The following RFTN1 variants were observed in gnomAD, a reference collection of about 807,000 sequenced individuals.
RFTN1 encodes the protein raftlin, lipid raft linker 1.
In RFTN1, 26 loss-of-function variants were observed where a neutral mutation model predicts 46.5. That is an observed-to-expected ratio of 0.56 (90% confidence interval 0.41 to 0.78). The LOEUF is 0.78. Ranked by LOEUF, RFTN1 falls within the 30% of genes least tolerant of loss-of-function variation. The pLI, the probability that RFTN1 is intolerant of heterozygous loss-of-function variation, is 0.00. For missense variants in RFTN1, 693 were observed against 718.7 expected (o/e 0.96, Z 0.41); for synonymous variants, 261 against 284.2 (o/e 0.92, Z 0.82).
In RFTN1 at chr3:16,328,293, A is replaced by C. The variant is rs1261672530; in HGVS notation, c.1147-1417T>G. Among the ~76,000 whole-genome samples the C allele has an allele frequency of 5.9e-5, 9 of 152,236 alleles. 1 individual carries two copies. The highest frequency in any genetic ancestry group is 5.9e-4 in the Admixed American group (9 of 15,280). ...GAGTGCCAAGGTCTGTGGTCGGCTT[A>C]ACTCAGAGGCAGCGCGCGTGACCAT... is the stretch of plus-strand genomic sequence containing the variant. On this transcript the variant is annotated intron_variant, in intron 7 of 9. Transcript: ENST00000334133.
chr3:16,378,186 G>A (rs1177263892), intron 4 of RFTN1, 84 bp from the exon 5 acceptor site: 57 of 1,152,748 alleles, frequency 4.9e-5, no homozygotes, highest in African/African-American at 4.3e-4. Flanking sequence ...GCGCCTCCCC[G>A]AGGCCTGCGA....
intron 6 of RFTN1, among the ~76,000 whole-genome samples, chr3:16,368,738 ACACTAGC>A (rs1282580371): frequency 2.6e-5 from 4 of 152,330 alleles, no homozygotes; most frequent in South Asian, 2.1e-4. Context: ...CTGACCAGTG[ACACTAGC>A]CACTAGCCAC....
At position 16,335,105 on chromosome 3, in the gene RFTN1, T is replaced by G. The variant is rs1015557066; in HGVS notation, c.1147-8229A>C. Among the ~76,000 whole-genome samples the G allele has an allele frequency of 6.6e-6, 1 of 152,232 alleles. No individual in the cohort carries two copies. Among genetic ancestry groups the G allele is most frequent in the South Asian group, 2.1e-4 (1 of 4,828 alleles). On this transcript the variant is annotated intron_variant, in intron 7 of 9. Transcript: ENST00000334133. This position sits in a 1 kb window ranked among gnomAD's most constrained non-coding sequence, Gnocchi z 4.7. ...TTTCAGACTTCTGACTCAACAAATG[T>G]AAGACAATAAACTTGCGTTGTTTTA...
rs941986116 is a variant in RFTN1 at position 16,475,171 on chromosome 3, G to A, written c.145+18554C>T. ...CCTTCCACTTGCACAATGTTTGGAA[G>A]CTCCTGGAAGCCCTCACCAGAAGCA... On this transcript the variant is annotated intron_variant, in intron 2 of 9. Transcript: ENST00000334133. The surrounding 1 kb of genome is among the most constrained non-coding windows in gnomAD (Gnocchi z 4.2). 6.6e-6 allele frequency among the ~76,000 whole-genome samples: 1 copy of A among 152,216 alleles called. No homozygotes were observed. Among genetic ancestry groups the A allele is most frequent in the African/African-American group, 2.4e-5 (1 of 41,458 alleles).
intron 2 of RFTN1, among the ~76,000 whole-genome samples, chr3:16,469,289 A>G (rs2076153320): frequency 6.6e-6 from 1 of 152,222 alleles, no homozygotes; most frequent in South Asian, 2.1e-4. Flanking sequence ...AGGACTTCGA[A>G]GCGTGACTGG....
intron 4 of RFTN1, 102 bp from the exon 5 acceptor site, chr3:16,378,204 T>G (rs2073855480): frequency 1.1e-6 from 1 of 916,276 alleles, no homozygotes; most frequent in Non-Finnish European, 1.7e-6. Flanking sequence ...CGAGGCTGTT[T>G]CAGGTGCAGG....
At chr3:16,505,686 G>T (rs2076792939) in intron 1 of RFTN1, among the ~76,000 whole-genome samples, 1 of 152,160 alleles carries the variant, frequency 6.6e-6, no homozygotes, top group Non-Finnish European at 1.5e-5. Flanking sequence ...CCACATGATG[G>T]AGGGTGATCT....
In RFTN1 at chr3:16,342,287, C is replaced by A. The variant is rs1020060492; in HGVS notation, c.1147-15411G>T. The stretch of plus-strand genomic sequence containing the variant: ...CCTGGATATTTCATATAAATGGATT[C>A]ATATAATATGTGGTCTTTTGCAACT... On this transcript the variant is annotated intron_variant, in intron 7 of 9. Coordinates refer to ENST00000334133, the MANE Select transcript of RFTN1 (RefSeq NM_015150.2). This position sits in a 1 kb window ranked among gnomAD's most constrained non-coding sequence, Gnocchi z 4.0. Among the ~76,000 whole-genome samples, 12 of 151,950 alleles carry A rather than the reference C, an allele frequency of 7.9e-5. 1 individual carries two copies. The highest frequency in any genetic ancestry group is 4.6e-4 in the Admixed American group (7 of 15,258).
intron 7 of RFTN1, among the ~76,000 whole-genome samples, chr3:16,354,195 A>T (rs2072278048): frequency 1.3e-5 from 2 of 152,238 alleles, no homozygotes; most frequent in African/African-American, 4.8e-5. Context: ...ACAAGGATAG[A>T]GTACAACAGG....
intron 6 of RFTN1, among the ~76,000 whole-genome samples, chr3:16,360,157 GA>G (rs1388070088): frequency 6.6e-6 from 1 of 150,994 alleles, no homozygotes; most frequent in Non-Finnish European, 1.5e-5. Flanking sequence ...AGTAAACATT[GA>G]AAAAAATTGC....
At chr3:16,463,978 C>A (rs539466488) in intron 2 of RFTN1, among the ~76,000 whole-genome samples, 1 of 152,108 alleles carries the variant, frequency 6.6e-6, no homozygotes, top group Non-Finnish European at 1.5e-5. Flanking sequence ...GTTCACCATG[C>A]CCCCACCCCT....
rs537267509 is a variant in RFTN1 at position 16,438,077 on chromosome 3, C to T, written c.146-4040G>A. ...CTTTGATAAAACTATATACAAACAG[C>T]ATCTGTGAGTCATCGAATATGGGCC... is the stretch of plus-strand genomic sequence containing the variant. On this transcript the variant is annotated intron_variant, in intron 2 of 9. Coordinates refer to ENST00000334133, the MANE Select transcript of RFTN1 (RefSeq NM_015150.2). 4.6e-5 allele frequency among the ~76,000 whole-genome samples: 7 copies of T among 152,256 alleles called. No individual in the cohort carries two copies. In the South Asian group the frequency reaches 1.5e-3, roughly 32 times the overall value.
intron 4 of RFTN1, among the ~76,000 whole-genome samples, chr3:16,397,289 C>CA (rs55675031): frequency 0.2 from 30,026 of 151,228 alleles, 3,905 homozygotes; most frequent in African/African-American, 0.37. Flanking sequence ...TATGTGGAAT[C>CA]AAAAAAAAGA....
rs1317432699 is a variant in RFTN1 at position 16,376,748 on chromosome 3, A to T, written c.826+970T>A. 2.0e-5 allele frequency among the ~76,000 whole-genome samples: 3 copies of T among 152,216 alleles called. No individual in the cohort carries two copies. The highest frequency in any genetic ancestry group is 4.4e-5 in the Non-Finnish European group (3 of 68,042). Reference sequence around the variant, plus strand: ...TATCTCCCTCTAAATCAACTTTGCAAATAAGCCCCTGGAATTAACCATCCC... The same window carrying T: ...TATCTCCCTCTAAATCAACTTTGCATATAAGCCCCTGGAATTAACCATCCC... On this transcript the variant is annotated intron_variant, in intron 5 of 9. Transcript: ENST00000334133. The surrounding 1 kb of genome is among the most constrained non-coding windows in gnomAD (Gnocchi z 4.7).
intron 4 of RFTN1, among the ~76,000 whole-genome samples, chr3:16,394,733 T>C (rs1159172721): frequency 9.8e-6 from 1 of 101,574 alleles, no homozygotes; most frequent in Non-Finnish European, 1.9e-5. Flanking sequence ...AAGAGGTGTT[T>C]TCTATTTTTT....
intron 2 of RFTN1, among the ~76,000 whole-genome samples, chr3:16,436,343 G>T (rs187512310): frequency 3.0e-3 from 447 of 146,692 alleles, no homozygotes; most frequent in African/African-American, 0.011. Context: ...AGTGGGTTTT[G>T]CCATGAAAAA....
intron 2 of RFTN1, among the ~76,000 whole-genome samples, chr3:16,491,433 C>T (rs572079004): frequency 4.6e-5 from 7 of 152,220 alleles, no homozygotes; most frequent in African/African-American, 1.4e-4. Context: ...TGTAGGAGGA[C>T]GAGGGCAGGA....
At position 16,425,675 on chromosome 3, in the gene RFTN1, TC is replaced by T. The variant is rs1369508292; in HGVS notation, c.332+8175del. ...TTTAGGAGTGTGGATTGGAAAAAAT[TC>T]TTTCCCCCAAGAGAAGGTGGCTTTA... On this transcript the variant is annotated intron_variant, in intron 3 of 9. Transcript: ENST00000334133. The surrounding 1 kb of genome is among the most constrained non-coding windows in gnomAD (Gnocchi z 4.3). 6.6e-6 allele frequency among the ~76,000 whole-genome samples: 1 copy of T among 152,010 alleles called. No individual in the cohort carries two copies. The highest frequency in any genetic ancestry group is 2.4e-5 in the African/African-American group (1 of 41,380).
Position 16,450,563 on chromosome 3 carries a change from A to T in RFTN1, c.146-16526T>A, listed in dbSNP as rs1171091152. Among the ~76,000 whole-genome samples the T allele has an allele frequency of 6.6e-6, 1 of 152,214 alleles. No homozygotes were observed. The highest frequency in any genetic ancestry group is 1.5e-5 in the Non-Finnish European group (1 of 68,030). On this transcript the variant is annotated intron_variant, in intron 2 of 9. Transcript: ENST00000334133. The surrounding 1 kb of genome is among the most constrained non-coding windows in gnomAD (Gnocchi z 4.6). ...GCTCCCTCAGGTGGCTTCCACAGGC[A>T]AATTAGCTTCATCAAACAACACTAG...
Sources: allele counts gnomAD v4.1 joint callset (sites outside exome capture counted in the v4.1 genomes callset), GRCh38; gene constraint gnomAD v4.1.1; non-coding constraint Gnocchi (gnomAD v3.1); transcripts MANE v1.5; gene names NCBI Gene and HGNC (gene_info 2026-07-23, HGNC 2026-07-21).